The following KPNA5 variants were observed in gnomAD, a reference collection of about 807,000 sequenced individuals.
KPNA5 encodes karyopherin subunit alpha 5, also known as importin subunit alpha-6.
In KPNA5, 46 loss-of-function variants were observed where a neutral mutation model predicts 71.3. The ratio of observed to expected loss-of-function variants is 0.65; its 90% CI spans 0.51 to 0.83. The LOEUF is 0.83. Among genes scored for constraint, KPNA5 ranks in the 40% least tolerant of loss-of-function variants. The pLI is 0.00. For missense variants in KPNA5, 547 were observed against 628.3 expected, an observed-to-expected ratio of 0.87 and a Z score of 1.38; for synonymous variants, 207 against 201.4, an observed-to-expected ratio of 1.03 and a Z score of -0.24.
Position 116,722,192 on chromosome 6 carries a change from G to T in KPNA5, c.823G>T (p.Val275Leu). The T allele has an allele frequency of 6.2e-7, 1 of 1,613,102 alleles. No individual in the cohort carries two copies. The highest frequency in any genetic ancestry group is 8.5e-7 in the Non-Finnish European group (1 of 1,179,364). Residue 275 changes from valine to leucine, a missense_variant, in exon 9 of 14, where the codon GTG (valine) becomes TTG (leucine). Coordinates refer to ENST00000368564, the MANE Select transcript of KPNA5 (RefSeq NM_001366306.2). ...CAGTGACCCAGATGTGTTAGCAGAC[G>T]TGTGTTGGGCCCTTTCTTATCTCTC... ...FSSDPDVLADVCWALSYLSDG... is the reference protein window; with the variant it reads ...FSSDPDVLADLCWALSYLSDG...
In KPNA5 at chr6:116,732,318, CT is replaced by C; in HGVS notation, c.1618del (p.Ter540AsnfsTer17). ...QQEAPMDGFQL is the reference protein window; with the variant it reads ...QQEAPMDGFQX ...GGAAGCACCAATGGATGGATTTCAA[CT>C]TTAACTTACTGGAGGAAAAAAAATT... On this transcript the variant is annotated frameshift_variant, in exon 14 of 14. Coordinates refer to ENST00000368564, the MANE Select transcript of KPNA5 (RefSeq NM_001366306.2). LOFTEE classifies it high-confidence loss of function. The C allele has an allele frequency of 6.7e-7, 1 of 1,487,346 alleles. No individual in the cohort carries two copies. Among genetic ancestry groups the C allele is most frequent in the Non-Finnish European group, 9.0e-7 (1 of 1,115,452 alleles). The allele number at this position is 1,487,346 out of a possible 1,614,324, so 92.1% of individuals were successfully genotyped here.
At chr6:116,701,280 A>G (rs1583416220) in intron 5 of KPNA5, among the ~76,000 whole-genome samples, 1 of 152,146 alleles carries the variant, frequency 6.6e-6, no homozygotes, top group East Asian at 1.9e-4. Flanking sequence ...TATGTGAAAT[A>G]TTTTTTAAAC....
rs1779676304 is a variant in KPNA5, at chr6:116,736,573, T to C, written c.*4250T>C. The C allele has an allele frequency of 6.6e-6, 1 of 151,990 alleles. No individual in the cohort carries two copies. The highest frequency in any genetic ancestry group is 2.4e-5 in the African/African-American group (1 of 41,414). 9.4% of individuals were successfully genotyped at this position (151,990 alleles called of 1,614,324 possible). A position where few individuals can be genotyped will look rare whatever the true frequency, so the allele number is the denominator to read the frequency against. On this transcript the variant is annotated 3_prime_UTR_variant, in exon 14 of 14. Coordinates refer to ENST00000368564, the MANE Select transcript of KPNA5 (RefSeq NM_001366306.2). ...GTAACACAAAGTTTTAAATGCATAT[T>C]TTACACCCCAAAGCAACCAATTCTT...
chr6:116,681,712 T>C (rs1003048878), intron 1 of KPNA5, among the ~76,000 whole-genome samples: 1 of 152,136 alleles, frequency 6.6e-6, no homozygotes, highest in Non-Finnish European at 1.5e-5. Flanking sequence ...CAGCAGCTTA[T>C]GGAAATTCCA....
intron 4 of KPNA5, among the ~76,000 whole-genome samples, chr6:116,698,110 T>G (rs1350979269): frequency 6.6e-6 from 1 of 152,004 alleles, no homozygotes; most frequent in African/African-American, 2.4e-5. Context: ...AGGAAAGAGT[T>G]CTTTATACTT....
At chr6:116,705,411 A>G (rs3822952) in intron 7 of KPNA5, among the ~76,000 whole-genome samples, 28,156 of 152,156 alleles carry the variant, frequency 0.19, 2,755 homozygotes, top group East Asian at 0.3. Flanking sequence ...TTATTCTGCA[A>G]AAACAAGGAT....
chr6:116,684,159 C>G (rs1777480355), intron 1 of KPNA5, among the ~76,000 whole-genome samples: 1 of 151,912 alleles, frequency 6.6e-6, no homozygotes, highest in Admixed American at 6.6e-5. Flanking sequence ...GCGATCGACT[C>G]TCCTTGGCCT....
chr6:116,732,290 G>A lies in KPNA5; in HGVS notation c.1587G>A (p.Gln529=). Residue 529 remains glutamine (Q), a synonymous_variant, in exon 14 of 14, where the codon CAG becomes CAA. Coordinates refer to ENST00000368564, the MANE Select transcript of KPNA5 (RefSeq NM_001366306.2). ...ACCAACAACAGTTTATATTTCAGCA[G>A]CAGGAAGCACCAATGGATGGATTTC... ...DENQQQFIFQ[Q]QEAPMDGFQL 1 of 1,525,252 alleles carries A rather than the reference G, an allele frequency of 6.6e-7. No homozygotes were observed. The highest frequency in any genetic ancestry group is 1.3e-5 in the South Asian group (1 of 75,224). The allele number at this position is 1,525,252 out of a possible 1,614,324, so 94.5% of individuals were successfully genotyped here.
intron 4 of KPNA5, among the ~76,000 whole-genome samples, chr6:116,694,447 C>A (rs1777938394): frequency 6.6e-6 from 1 of 151,904 alleles, no homozygotes; most frequent in Admixed American, 6.6e-5. Flanking sequence ...TGAAGAGGTC[C>A]TTCACATCCC....
intron 2 of KPNA5, among the ~76,000 whole-genome samples, chr6:116,691,316 G>A (rs1239867743): frequency 6.6e-6 from 1 of 152,180 alleles, no homozygotes; most frequent in Non-Finnish European, 1.5e-5. Context: ...ATGGGGTCTT[G>A]CTGTGTTGCC....
Position 116,732,583 on chromosome 6 carries a change from A to T in KPNA5, c.*260A>T, listed in dbSNP as rs1347397332. 5.3e-6 allele frequency: 1 copy of T among 187,936 alleles called. No individual in the cohort carries two copies. Among genetic ancestry groups the T allele is most frequent in the East Asian group, 1.1e-4 (1 of 8,814 alleles). 11.6% of individuals were successfully genotyped at this position (187,936 alleles called of 1,614,324 possible). A position where few individuals can be genotyped will look rare whatever the true frequency, so the allele number is the denominator to read the frequency against. Reference sequence around the variant, plus strand: ...TGTATCTATTTGTGAATAATTGAATATGCAATTATTTAGTAATTTAAGCTT... The same window carrying T: ...TGTATCTATTTGTGAATAATTGAATTTGCAATTATTTAGTAATTTAAGCTT... On this transcript the variant is annotated 3_prime_UTR_variant, in exon 14 of 14. Transcript: ENST00000368564.
chr6:116,738,499 C>A lies in KPNA5; in HGVS notation c.*6176C>A, dbSNP rs1158120160. ...GAGGGAATCCTCCCTAACTCATTTT[C>A]TGAGGCCAGCATCATCCTGATACCA... is the stretch of plus-strand genomic sequence containing the variant. On this transcript the variant is annotated 3_prime_UTR_variant, in exon 14 of 14. Coordinates refer to ENST00000368564, the MANE Select transcript of KPNA5 (RefSeq NM_001366306.2). 7 of 152,040 alleles carry A rather than the reference C, an allele frequency of 4.6e-5. No individual in the cohort carries two copies. Among genetic ancestry groups the A allele is most frequent in the South Asian group, 2.1e-4 (1 of 4,820 alleles). 9.4% of individuals were successfully genotyped at this position (152,040 alleles called of 1,614,324 possible).
In KPNA5 at chr6:116,732,148, T is replaced by C. The variant is rs1779525014; in HGVS notation, c.1445T>C (p.Ile482Thr). The C allele has an allele frequency of 2.8e-6, 4 of 1,423,714 alleles. No homozygotes were observed. The highest frequency in any genetic ancestry group is 5.5e-5 in the East Asian group (2 of 36,306). 88.2% of individuals were successfully genotyped at this position (1,423,714 alleles called of 1,614,324 possible). A position where few individuals can be genotyped will look rare whatever the true frequency, so the allele number is the denominator to read the frequency against. Reference protein sequence around the residue: ...LIEEAYGLDKIEFLQSHENQE... With the variant: ...LIEEAYGLDKTEFLQSHENQE... Reference sequence around the variant, plus strand: ...CTTTGTATAACAGGTCTGGATAAAATTGAGTTTTTGCAAAGCCATGAAAAT... The same window carrying C: ...CTTTGTATAACAGGTCTGGATAAAACTGAGTTTTTGCAAAGCCATGAAAAT... Residue 482 changes from isoleucine (I) to threonine (T), a missense_variant, in exon 14 of 14, where the codon ATT becomes ACT. Physicochemically the swap from Ile to Thr is moderately conservative, Grantham distance 89. Coordinates refer to ENST00000368564, the MANE Select transcript of KPNA5 (RefSeq NM_001366306.2).
At chr6:116,721,316 CT>C (rs976797330) in intron 8 of KPNA5, among the ~76,000 whole-genome samples, 5 of 151,086 alleles carry the variant, frequency 3.3e-5, no homozygotes, top group African/African-American at 1.2e-4. Context: ...TAACATAGTT[CT>C]TTTTTTTTGT....
At chr6:116,707,088 C>T (rs1374189406) in intron 7 of KPNA5, among the ~76,000 whole-genome samples, 3 of 152,042 alleles carry the variant, frequency 2.0e-5, no homozygotes, top group South Asian at 4.2e-4. Context: ...GGCTTGTACC[C>T]AGGAGGTGGA....
chr6:116,722,095 A>C (rs1307201934), intron 8 of KPNA5, 31 bp from the exon 9 acceptor site: 2 of 1,446,992 alleles, frequency 1.4e-6, no homozygotes, highest in Non-Finnish European at 1.8e-6. Context: ...AATAGAGAAA[A>C]AATTTAAATA....
chr6:116,697,115 T>A (rs1208497474), intron 4 of KPNA5, among the ~76,000 whole-genome samples: 1 of 151,894 alleles, frequency 6.6e-6, no homozygotes, highest in Non-Finnish European at 1.5e-5. Context: ...TAAAACAAAA[T>A]AGGATAATAT....
At chr6:116,704,952 A>T in intron 6 of KPNA5, 120 bp from the exon 7 acceptor site, 1 of 619,332 alleles carries the variant, frequency 1.6e-6, no homozygotes, top group Non-Finnish European at 2.7e-6. Flanking sequence ...TTTCTTTTCT[A>T]CTGTTTTTTT....
chr6:116,729,883 C>A lies in KPNA5; in HGVS notation c.1432+142C>A, dbSNP rs79045855. ...TAAAATGTCACCCGTAATTTTATTACCCTAACAATTTATTTTTATTATTTA... is the reference window on the plus strand; with the variant it reads ...TAAAATGTCACCCGTAATTTTATTAACCTAACAATTTATTTTTATTATTTA... On this transcript the variant is annotated intron_variant, in intron 13 of 13. Transcript: ENST00000368564. 1,460 of 447,692 alleles carry A rather than the reference C, an allele frequency of 3.3e-3. 25 individuals are homozygous for A. Among genetic ancestry groups the A allele is most frequent in the African/African-American group, 0.023 (1,144 of 49,244 alleles). The allele number at this position is 447,692 out of a possible 1,614,324, so 27.7% of individuals were successfully genotyped here. A position where few individuals can be genotyped will look rare whatever the true frequency, so the allele number is the denominator to read the frequency against.
Sources: allele counts gnomAD v4.1 joint callset (sites outside exome capture counted in the v4.1 genomes callset), GRCh38; gene constraint gnomAD v4.1.1; transcripts MANE v1.5; gene names NCBI Gene and HGNC (gene_info 2026-07-23, HGNC 2026-07-21).